The following FRMPD4 variants were observed in gnomAD, a reference collection of about 807,000 sequenced individuals.
FRMPD4 encodes the protein FERM and PDZ domain-containing protein 4.
In FRMPD4, 22 loss-of-function variants were observed where a neutral mutation model predicts 94.1. The observed-to-expected ratio is 0.23, with a 90% CI of 0.17 to 0.33. FRMPD4 has a LOEUF of 0.33. FRMPD4 is among the 10% of genes least tolerant of loss of function. The pLI is 1.00. For synonymous variants in FRMPD4, 631 were observed against 548.6 expected, an observed-to-expected ratio of 1.15 and a Z score of -2.10; for missense variants, 1,111 against 1,339.9, an observed-to-expected ratio of 0.83 and a Z score of 2.67.
At chrX:12,506,154 C>A (rs1284135928) in intron 2 of FRMPD4, among the ~76,000 whole-genome samples, 1 of 111,593 alleles carries the variant, frequency 9.0e-6, no homozygotes, top group Non-Finnish European at 1.9e-5. Flanking sequence ...ATTTTTAGGA[C>A]CTGTTGCAAA....
chrX:12,178,766 C>G (rs1324969585), intron 1 of FRMPD4, among the ~76,000 whole-genome samples: 1 of 111,321 alleles, frequency 9.0e-6, no homozygotes, highest in Non-Finnish European at 1.9e-5. Context: ...AAGGGCAACT[C>G]CTGCAGGCTG....
chrX:12,680,323 G>T (rs1461457858), intron 5 of FRMPD4, among the ~76,000 whole-genome samples: 1 of 112,269 alleles, frequency 8.9e-6, no homozygotes, highest in East Asian at 2.8e-4. Context: ...AAGTGCTTGT[G>T]ATCAACACCT....
intron 13 of FRMPD4, among the ~76,000 whole-genome samples, chrX:12,708,599 T>A (rs181811212): frequency 9.0e-6 from 1 of 111,567 alleles, no homozygotes; most frequent in East Asian, 2.8e-4. Flanking sequence ...AGTTATTGGA[T>A]TTTGGCAATG....
intron 1 of FRMPD4, among the ~76,000 whole-genome samples, chrX:11,825,117 G>T (rs1190221096): frequency 9.1e-6 from 1 of 109,503 alleles, no homozygotes; most frequent in East Asian, 2.9e-4. Flanking sequence ...TAGAGTTTCT[G>T]TGGTTTTGAG....
chrX:12,703,007 C>T (rs1569063562), intron 10 of FRMPD4, among the ~76,000 whole-genome samples: 2 of 112,427 alleles, frequency 1.8e-5, no homozygotes, highest in East Asian at 2.8e-4. Context: ...CCTGCACAAC[C>T]GGAGTTGATT....
At chrX:12,546,149 C>T (rs920245935) in intron 2 of FRMPD4, among the ~76,000 whole-genome samples, 9 of 107,507 alleles carry the variant, frequency 8.4e-5, no homozygotes, top group Non-Finnish European at 1.1e-4. Flanking sequence ...TATCCCAAAT[C>T]GTGAGAACTG....
rs1193146951 is a variant in FRMPD4, at chrX:12,710,341, A to T, written c.1471-58A>T. The T allele has an allele frequency of 5.2e-6, 5 of 967,377 alleles. No individual in the cohort carries two copies. In the Admixed American group the frequency reaches 1.3e-4, roughly 26 times the overall value. The allele number at this position is 967,377 out of a possible 1,213,427, so 79.7% of individuals were successfully genotyped here. A position where few individuals can be genotyped will look rare whatever the true frequency, so the allele number is the denominator to read the frequency against. The stretch of plus-strand genomic sequence containing the variant: ...CATAAGCATAAATGCAGCTGTTGAC[A>T]CTCCAGGGATGTTATTAAGAATGGA... On this transcript the variant is annotated intron_variant, in intron 13 of 16. Transcript: ENST00000675598.
intron 3 of FRMPD4, among the ~76,000 whole-genome samples, chrX:12,097,077 C>T (rs1362123660): frequency 8.9e-6 from 1 of 112,016 alleles, no homozygotes; most frequent in Admixed American, 9.5e-5. Flanking sequence ...ACTCACTCTA[C>T]TGAAATGGAG....
chrX:12,519,260 C>A (rs932956558), intron 2 of FRMPD4, among the ~76,000 whole-genome samples: 2 of 111,858 alleles, frequency 1.8e-5, no homozygotes, highest in African/African-American at 6.5e-5. Flanking sequence ...AAAAGAAAAC[C>A]AAATTGGAGG....
At chrX:11,857,317 G>A (rs149426563) in intron 1 of FRMPD4, among the ~76,000 whole-genome samples, 8 of 111,505 alleles carry the variant, frequency 7.2e-5, no homozygotes, top group African/African-American at 2.6e-4. Flanking sequence ...GTACTACAGA[G>A]CTACAGTAAC....
intron 2 of FRMPD4, among the ~76,000 whole-genome samples, chrX:12,575,279 AAAT>A (rs1319875115): frequency 9.0e-6 from 1 of 110,738 alleles, no homozygotes. Flanking sequence ...ATCATAAAAA[AAAT>A]AAGTAGTAAA....
At chrX:12,012,405 CT>C (rs757471429) in intron 3 of FRMPD4, among the ~76,000 whole-genome samples, 1 of 111,645 alleles carries the variant, frequency 9.0e-6, no homozygotes, top group South Asian at 3.8e-4. Context: ...CCCTTTTTTT[CT>C]AAGTCTGTTG....
intron 1 of FRMPD4, among the ~76,000 whole-genome samples, chrX:12,398,871 T>C (rs1345554688): frequency 8.9e-6 from 1 of 112,092 alleles, no homozygotes; most frequent in Non-Finnish European, 1.9e-5. Flanking sequence ...TCATCATTCA[T>C]GGCATGAATG....
intron 1 of FRMPD4, among the ~76,000 whole-genome samples, chrX:12,150,500 C>T (rs969812622): frequency 2.7e-5 from 3 of 111,720 alleles, no homozygotes; most frequent in Non-Finnish European, 3.8e-5. Context: ...TAATTATATA[C>T]ATTTTGTCTT....
At chrX:12,007,922 A>T (rs2054562184) in intron 3 of FRMPD4, among the ~76,000 whole-genome samples, 1 of 111,832 alleles carries the variant, frequency 8.9e-6, no homozygotes, top group Non-Finnish European at 1.9e-5. Flanking sequence ...TGGGCACAGG[A>T]TGGACCCCAT....
chrX:12,368,820 A>G (rs1040132258), intron 1 of FRMPD4, among the ~76,000 whole-genome samples: 1 of 111,845 alleles, frequency 8.9e-6, no homozygotes, highest in African/African-American at 3.3e-5. Flanking sequence ...TGGATGTTGC[A>G]GTGAGCCGAA....
intron 1 of FRMPD4, among the ~76,000 whole-genome samples, chrX:12,464,924 G>A: frequency 9.0e-6 from 1 of 111,628 alleles, no homozygotes; most frequent in East Asian, 2.8e-4. Flanking sequence ...TGGAATTAAG[G>A]AAATTCTATT....
chrX:12,285,828 G>A (rs1014994374), intron 1 of FRMPD4, among the ~76,000 whole-genome samples: 10 of 111,951 alleles, frequency 8.9e-5, no homozygotes, highest in African/African-American at 2.6e-4. Context: ...AATGTACATC[G>A]GTTGCACATA....
intron 16 of FRMPD4, among the ~76,000 whole-genome samples, chrX:12,720,082 G>GAAAGAAAC: frequency 1.1e-5 from 1 of 95,086 alleles, no homozygotes; most frequent in African/African-American, 4.1e-5. Flanking sequence ...AAGAAAGAAA[G>GAAAGAAAC]AGAAAGAAAG....
Sources: gnomAD v4.1 joint callset for allele counts (sites outside exome capture counted in the v4.1 genomes callset) on GRCh38, gnomAD v4.1.1 for gene constraint, MANE v1.5 for transcripts, NCBI Gene and HGNC (gene_info 2026-07-23, HGNC 2026-07-21) for gene names.